Variants in RNF148 observed in about 807,000 individuals in gnomAD.
RNF148 encodes the protein ring finger protein 148.
A neutral mutation model predicts 21.1 loss-of-function variants in RNF148; 16 were observed. The observed-to-expected ratio is 0.76, with a 90% confidence interval of 0.51 to 1.15. RNF148 has a LOEUF of 1.15. RNF148 is among the 50% of genes most tolerant of loss of function. RNF148 has a pLI of 0.00. For synonymous variants in RNF148, 150 were observed against 136.4 expected (o/e 1.10, Z -0.69); for missense variants, 424 against 374.2 (o/e 1.13, Z -1.10).
At position 122,701,868 on chromosome 7, in the gene RNF148, A is replaced by G; in HGVS notation, c.883T>C (p.Cys295Arg). The change falls in exon 1 of 1, where the codon TGT becomes CGT. Residue 295 changes from cysteine (C) to arginine (R), a missense_variant. Physicochemically the swap from Cys to Arg is radical, Grantham distance 180. Transcript: ENST00000434824. ...IDPWLLAHRT[C>R]PMCKCDILKT ...AGGATGTCACACTTGCACATGGGAC[A>G]TGTCCTATGGGCTAAAAGCCAGGGG... 1 of 1,611,818 alleles carries G rather than the reference A, an allele frequency of 6.2e-7. No individual in the cohort carries two copies. Among genetic ancestry groups the G allele is most frequent in the Non-Finnish European group, 8.5e-7 (1 of 1,178,918 alleles).
chr7:122,702,399 C>T lies in RNF148; in HGVS notation c.352G>A (p.Val118Met), dbSNP rs189837730. The change falls in exon 1 of 1, where the codon GTG (valine) becomes ATG (methionine). Residue 118 changes from valine to methionine, a missense_variant. Coordinates refer to ENST00000434824, the MANE Select transcript of RNF148 (RefSeq NM_198085.2). ...CCATTTGCTCCCTTCTCTGCTGCCA[C>T]GTTGATTTTATGTGTAAAAGTACAG... Reference protein sequence around the residue: ...GGCTFTHKINVAAEKGANGVI... With the variant: ...GGCTFTHKINMAAEKGANGVI... 242 of 1,613,754 alleles carry T rather than the reference C, an allele frequency of 1.5e-4. 1 individual carries two copies. In the East Asian group the frequency reaches 5.1e-3, roughly 34 times the overall value.
chr7:122,702,706 T>A lies in RNF148; in HGVS notation c.45A>T (p.Ser15=), dbSNP rs745365874. 3.1e-6 allele frequency: 5 copies of A among 1,612,182 alleles called. No homozygotes were observed. Among genetic ancestry groups the A allele is most frequent in the Admixed American group, 3.4e-5 (2 of 59,698 alleles). The change falls in exon 1 of 1, where the codon TCA becomes TCT. Residue 15 remains serine (S), a synonymous_variant. Transcript: ENST00000434824. ...AGATACTAAGCCTCAAAAGTCCAGA[T>A]GAAACAGAACTATGCGTCGAAGGGG... ...RITPSTHSSV[S]SGLLRLSIFL... is the part of the protein sequence containing the mutation.
In RNF148 at chr7:122,701,893, G is replaced by A. The variant is rs368632624; in HGVS notation, c.858C>T (p.Asp286=). 20 of 1,613,354 alleles carry A rather than the reference G, an allele frequency of 1.2e-5. No individual in the cohort carries two copies. The highest frequency in any genetic ancestry group is 1.7e-5 in the Non-Finnish European group (20 of 1,179,534). The change falls in exon 1 of 1, where the codon GAC becomes GAT. Residue 286 remains aspartate (D), a synonymous_variant. Coordinates refer to ENST00000434824, the MANE Select transcript of RNF148 (RefSeq NM_198085.2). ...ATGTCCTATGGGCTAAAAGCCAGGGGTCAATGCATGCCTTATGGAAAAAAT... is the reference window on the plus strand; with the variant it reads ...ATGTCCTATGGGCTAAAAGCCAGGGATCAATGCATGCCTTATGGAAAAAAT... ...CKHFFHKACI[D]PWLLAHRTCP... is the part of the protein sequence containing the mutation.
rs775773246 is a variant in RNF148 at position 122,702,618 on chromosome 7, T to C, written c.133A>G (p.Thr45Ala). 8.1e-6 allele frequency: 13 copies of C among 1,613,306 alleles called. No homozygotes were observed. The highest frequency in any genetic ancestry group is 7.7e-5 in the South Asian group (7 of 91,074). ...KAIWTAHLNI[T>A]FQVGNEITSE... ...GTGATCTCATTTCCAACCTGAAATG[T>C]TATATTCAGGTGAGCTGTCCAAATG... Residue 45 changes from threonine to alanine, a missense_variant, in exon 1 of 1, where the codon ACA becomes GCA. Coordinates refer to ENST00000434824, the MANE Select transcript of RNF148 (RefSeq NM_198085.2).
Position 122,701,837 on chromosome 7 carries a change from G to A in RNF148, c.914C>T (p.Thr305Ile). ...CPMCKCDILKT is the reference protein window; with the variant it reads ...CPMCKCDILKI ...TCAGAAAATTCTCCAGATTTCTTAA[G>A]TTTTCAGGATGTCACACTTGCACAT... The change falls in exon 1 of 1, where the codon ACT becomes ATT. Residue 305 changes from threonine to isoleucine, a missense_variant. Physicochemically the swap from Thr to Ile is moderately conservative, Grantham distance 89. Coordinates refer to ENST00000434824, the MANE Select transcript of RNF148 (RefSeq NM_198085.2). The A allele has an allele frequency of 1.3e-6, 2 of 1,576,598 alleles. No homozygotes were observed. Among genetic ancestry groups the A allele is most frequent in the East Asian group, 2.2e-5 (1 of 44,588 alleles).
At position 122,702,524 on chromosome 7, in the gene RNF148, G is replaced by A. The variant is rs565042058; in HGVS notation, c.227C>T (p.Ala76Val). 1.9e-6 allele frequency: 3 copies of A among 1,613,562 alleles called. No individual in the cohort carries two copies. In the Admixed American group the frequency reaches 5.0e-5, roughly 27 times the overall value. ...SPLERVSGVV[A>V]LPEGWNQNAC... ...ATTCTGATTCCATCCTTCAGGAAGT[G>A]CCACCACACCAGACACCCTTTCCAG... Residue 76 changes from alanine to valine, a missense_variant, in exon 1 of 1, where the codon GCA becomes GTA. Coordinates refer to ENST00000434824, the MANE Select transcript of RNF148 (RefSeq NM_198085.2).
At position 122,702,698 on chromosome 7, in the gene RNF148, AG is replaced by A. The variant is rs1307830463; in HGVS notation, c.52del (p.Leu18PhefsTer2). ...PSTHSSVSSG[L>X]LRLSIFLLLS... ...TAGTAGAAAGATACTAAGCCTCAAA[AG>A]TCCAGATGAAACAGAACTATGCGTC... On this transcript the variant is annotated frameshift_variant, in exon 1 of 1. Transcript: ENST00000434824. LOFTEE classifies it high-confidence loss of function. 6.2e-7 allele frequency: 1 copy of A among 1,612,594 alleles called. No individual in the cohort carries two copies. The highest frequency in any genetic ancestry group is 8.5e-7 in the Non-Finnish European group (1 of 1,179,224).
Position 122,701,862 on chromosome 7 carries a change from T to C in RNF148, c.889A>G (p.Met297Val), listed in dbSNP as rs1388773914. Reference sequence around the variant, plus strand: ...GTTTTCAGGATGTCACACTTGCACATGGGACATGTCCTATGGGCTAAAAGC... The same window carrying C: ...GTTTTCAGGATGTCACACTTGCACACGGGACATGTCCTATGGGCTAAAAGC... ...PWLLAHRTCP[M>V]CKCDILKT Residue 297 changes from methionine (M) to valine (V), a missense_variant, in exon 1 of 1, where the codon ATG becomes GTG. Met to Val is a conservative substitution (Grantham distance 21). Coordinates refer to ENST00000434824, the MANE Select transcript of RNF148 (RefSeq NM_198085.2). The C allele has an allele frequency of 6.2e-7, 1 of 1,607,052 alleles. No homozygotes were observed. Among genetic ancestry groups the C allele is most frequent in the East Asian group, 2.2e-5 (1 of 44,808 alleles).
Position 122,701,696 on chromosome 7 carries a change from A to G in RNF148, c.*137T>C. 1 of 495,748 alleles carries G rather than the reference A, an allele frequency of 2.0e-6. No individual in the cohort carries two copies. Among genetic ancestry groups the G allele is most frequent in the Non-Finnish European group, 3.5e-6 (1 of 285,318 alleles). The allele number at this position is 495,748 out of a possible 1,614,324, so 30.7% of individuals were successfully genotyped here. The stretch of plus-strand genomic sequence containing the variant: ...GCATGATAAGGAGTTTTATTTTTAA[A>G]ACACAAATTTCACCCTTGTTCATAC... On this transcript the variant is annotated 3_prime_UTR_variant, in exon 1 of 1. Transcript: ENST00000434824.
At position 122,702,003 on chromosome 7, in the gene RNF148, C is replaced by T. The variant is rs781092795; in HGVS notation, c.748G>A (p.Glu250Lys). The T allele has an allele frequency of 8.7e-6, 14 of 1,613,642 alleles. No homozygotes were observed. Among genetic ancestry groups the T allele is most frequent in the Non-Finnish European group, 1.2e-5 (14 of 1,179,730 alleles). Reference sequence around the variant, plus strand: ...CAGTTGTCTTCATTTAGGTCTAATTCCTCATCCCCTTCTTTGAGAACTCGC... The same window carrying T: ...CAGTTGTCTTCATTTAGGTCTAATTTCTCATCCCCTTCTTTGAGAACTCGC... The part of the protein sequence containing the change: ...QLRVLKEGDE[E>K]LDLNEDNCVV... Residue 250 changes from glutamate to lysine, a missense_variant, in exon 1 of 1, where the codon GAA becomes AAA. Coordinates refer to ENST00000434824, the MANE Select transcript of RNF148 (RefSeq NM_198085.2).
At position 122,702,740 on chromosome 7, in the gene RNF148, A is replaced by C. The variant is rs368118247; in HGVS notation, c.11T>G (p.Leu4Arg). 1.2e-6 allele frequency: 2 copies of C among 1,600,754 alleles called. No homozygotes were observed. Among genetic ancestry groups the C allele is most frequent in the African/African-American group, 2.7e-5 (2 of 74,566 alleles). ...ACTATGCGTCGAAGGGGTAATTCTA[A>C]GGAAGCTCATGCCTCCATTTGTCTA... MSF[L>R]RITPSTHSSV... The change falls in exon 1 of 1, where the codon CTT (leucine) becomes CGT (arginine). Residue 4 changes from leucine to arginine, a missense_variant. Transcript: ENST00000434824.
chr7:122,702,215 A>C lies in RNF148; in HGVS notation c.536T>G (p.Val179Gly). The C allele has an allele frequency of 1.2e-6, 2 of 1,613,786 alleles. No individual in the cohort carries two copies. Among genetic ancestry groups the C allele is most frequent in the South Asian group, 2.2e-5 (2 of 91,076 alleles). ...CACCCACTGCATGTGCATTCTCCCCACTTCAATGATGACTGTCACATAGAC... is the reference window on the plus strand; with the variant it reads ...CACCCACTGCATGTGCATTCTCCCCCCTTCAATGATGACTGTCACATAGAC... ...KGVYVTVIIE[V>G]GRMHMQWVSH... Residue 179 changes from valine (V) to glycine (G), a missense_variant, in exon 1 of 1, where the codon GTG becomes GGG. Coordinates refer to ENST00000434824, the MANE Select transcript of RNF148 (RefSeq NM_198085.2).
chr7:122,701,753 A>G lies in RNF148; in HGVS notation c.*80T>C, dbSNP rs1322525341. 2.6e-5 allele frequency: 26 copies of G among 989,368 alleles called. No individual in the cohort carries two copies. The Admixed American group carries it at 3.4e-4, about 13-fold the overall frequency. 61.3% of individuals were successfully genotyped at this position (989,368 alleles called of 1,614,324 possible). ...AGAGAAGCTGAAATTTTCTCTCTAC[A>G]TAAAGTACAATAAGACAATTTATCT... On this transcript the variant is annotated 3_prime_UTR_variant, in exon 1 of 1. Transcript: ENST00000434824.
Position 122,701,943 on chromosome 7 carries a change from C to T in RNF148, c.808G>A (p.Val270Ile). 6.2e-7 allele frequency: 1 copy of T among 1,613,592 alleles called. No homozygotes were observed. The highest frequency in any genetic ancestry group is 8.5e-7 in the Non-Finnish European group (1 of 1,179,622). Residue 270 changes from valine to isoleucine, a missense_variant, in exon 1 of 1, where the codon GTA becomes ATA. By Grantham distance (29) the Val-to-Ile change is conservative (BLOSUM62 3). Transcript: ENST00000434824. ...VCFDTYKPQDVVRILTCKHFF... is the reference protein window; with the variant it reads ...VCFDTYKPQDIVRILTCKHFF... ...TGTTTGCAAGTTAAAATGCGTACTA[C>T]ATCTTGGGGTTTGTATGTGTCAAAG... is the stretch of plus-strand genomic sequence containing the variant.
Position 122,702,801 on chromosome 7 carries a change from G to A in RNF148, c.-51C>T. 7.4e-7 allele frequency: 1 copy of A among 1,342,372 alleles called. No individual in the cohort carries two copies. Among genetic ancestry groups the A allele is most frequent in the Non-Finnish European group, 1.0e-6 (1 of 985,724 alleles). 83.2% of individuals were successfully genotyped at this position (1,342,372 alleles called of 1,614,324 possible). ...AACATGAGAAAACAAAACAACATCAGTTGTAGAAGAACATAAAGAAGATAG... is the reference window on the plus strand; with the variant it reads ...AACATGAGAAAACAAAACAACATCAATTGTAGAAGAACATAAAGAAGATAG... On this transcript the variant is annotated 5_prime_UTR_variant, in exon 1 of 1. Transcript: ENST00000434824.
Position 122,702,584 on chromosome 7 carries a change from A to C in RNF148, c.167T>G (p.Leu56Ter). The change falls in exon 1 of 1, where the codon TTA (leucine) becomes TGA (stop). Residue 56 changes from leucine (L) to a stop codon, truncating the protein, a stop_gained. Coordinates refer to ENST00000434824, the MANE Select transcript of RNF148 (RefSeq NM_198085.2). LOFTEE classifies it high-confidence loss of function. The part of the protein sequence containing the change: ...FQVGNEITSE[L>*]GESGVFGNHS... ...ATTCCCGAACACTCCACTCTCTCCTAATTCCGATGTGATCTCATTTCCAAC... is the reference window on the plus strand; with the variant it reads ...ATTCCCGAACACTCCACTCTCTCCTCATTCCGATGTGATCTCATTTCCAAC... 6.2e-7 allele frequency: 1 copy of C among 1,613,664 alleles called. No individual in the cohort carries two copies. The highest frequency in any genetic ancestry group is 8.5e-7 in the Non-Finnish European group (1 of 1,179,734).
chr7:122,702,590 G>A lies in RNF148; in HGVS notation c.161C>T (p.Ser54Leu), dbSNP rs201215032. 2.6e-5 allele frequency: 42 copies of A among 1,613,552 alleles called. No individual in the cohort carries two copies. The highest frequency in any genetic ancestry group is 1.5e-4 in the African/African-American group (11 of 74,990). The part of the protein sequence containing the change: ...ITFQVGNEIT[S>L]ELGESGVFGN... ...GAACACTCCACTCTCTCCTAATTCC[G>A]ATGTGATCTCATTTCCAACCTGAAA... Residue 54 changes from serine (S) to leucine (L), a missense_variant, in exon 1 of 1, where the codon TCG becomes TTG. By Grantham distance (145) the Ser-to-Leu change is moderately radical (BLOSUM62 -2). Transcript: ENST00000434824.
Position 122,702,387 on chromosome 7 carries a change from T to A in RNF148, c.364A>T (p.Lys122Ter). The change falls in exon 1 of 1, where the codon AAG (lysine) becomes TAG (stop). Residue 122 changes from lysine to a stop codon, truncating the protein, a stop_gained. Transcript: ENST00000434824. LOFTEE classifies it high-confidence loss of function. ...TAGATGATCACCCCATTTGCTCCCT[T>A]CTCTGCTGCCACGTTGATTTTATGT... ...FTHKINVAAE[K>*]GANGVIIYNY... 6.2e-7 allele frequency: 1 copy of A among 1,613,812 alleles called. No individual in the cohort carries two copies. The highest frequency in any genetic ancestry group is 8.5e-7 in the Non-Finnish European group (1 of 1,179,780).
Position 122,702,020 on chromosome 7 carries a change from A to T in RNF148, c.731T>A (p.Leu244His), listed in dbSNP as rs1337580147. 6.2e-7 allele frequency: 1 copy of T among 1,613,676 alleles called. No homozygotes were observed. The highest frequency in any genetic ancestry group is 8.5e-7 in the Non-Finnish European group (1 of 1,179,738). Residue 244 changes from leucine (L) to histidine (H), a missense_variant, in exon 1 of 1, where the codon CTC (leucine) becomes CAC (histidine). Coordinates refer to ENST00000434824, the MANE Select transcript of RNF148 (RefSeq NM_198085.2). ...KAIDQLQLRV[L>H]KEGDEELDLN... ...GTCTAATTCCTCATCCCCTTCTTTG[A>T]GAACTCGCAGTTGAAGCTGGTCAAT...
Sources: gnomAD v4.1 joint callset for allele counts on GRCh38, gnomAD v4.1.1 for gene constraint, MANE v1.5 for transcripts, NCBI Gene and HGNC (gene_info 2026-07-23, HGNC 2026-07-21) for gene names.